NTRK3: variants seen among roughly 807,000 people sequenced by gnomAD.
The protein encoded by NTRK3 is NT-3 growth factor receptor.
In NTRK3, 24 loss-of-function variants were observed where a neutral mutation model predicts 91.7. That is an observed-to-expected ratio of 0.26 (90% CI 0.19 to 0.37). The LOEUF (loss-of-function observed/expected upper bound fraction) is 0.37, where lower values mean the gene tolerates loss of function less well. NTRK3 is among the 10% of genes least tolerant of loss of function. NTRK3 has a pLI of 1.00. For missense variants in NTRK3, 880 were observed against 1,068.9 expected, an observed-to-expected ratio of 0.82 and a Z score of 2.46; for synonymous variants, 483 against 404.0, an observed-to-expected ratio of 1.20 and a Z score of -2.34.
At chr15:87,893,782 T>C (rs2065964145) in intron 17 of NTRK3, among the ~76,000 whole-genome samples, 1 of 152,182 alleles carries the variant, frequency 6.6e-6, no homozygotes. Context: ...GTAACCCATA[T>C]TCCAGATAAA....
chr15:87,940,913 C>A (rs1407781825), intron 14 of NTRK3, among the ~76,000 whole-genome samples, 160 bp from the exon 15 acceptor site: 1 of 152,172 alleles, frequency 6.6e-6, no homozygotes, highest in Non-Finnish European at 1.5e-5. Context: ...AAACTGACAT[C>A]CCTCTGTGGT....
intron 10 of NTRK3, among the ~76,000 whole-genome samples, chr15:88,134,830 C>G (rs960856197): frequency 6.6e-6 from 1 of 152,234 alleles, no homozygotes; most frequent in African/African-American, 2.4e-5. Context: ...ATTACTGTCT[C>G]TGCTTTCTCT....
chr15:87,953,393 C>G (rs1363234669), intron 14 of NTRK3, among the ~76,000 whole-genome samples: 1 of 152,162 alleles, frequency 6.6e-6, no homozygotes, highest in Admixed American at 6.5e-5. Flanking sequence ...GATTCTTTAT[C>G]GTTTTCCTGG....
chr15:88,048,691 TG>T (rs1291663552), intron 13 of NTRK3, among the ~76,000 whole-genome samples: 1 of 152,182 alleles, frequency 6.6e-6, no homozygotes, highest in Non-Finnish European at 1.5e-5. Flanking sequence ...CAAGATAAAA[TG>T]TAGGCTATGT....
At chr15:88,212,734 A>ATCC (rs373108682) in intron 3 of NTRK3, among the ~76,000 whole-genome samples, 2 of 137,282 alleles carry the variant, frequency 1.5e-5, no homozygotes, top group African/African-American at 3.3e-5. Context: ...ACACACACAC[A>ATCC]CACACACACA....
At chr15:88,215,680 A>C (rs1437657766) in intron 3 of NTRK3, among the ~76,000 whole-genome samples, 1 of 152,262 alleles carries the variant, frequency 6.6e-6, no homozygotes, top group Non-Finnish European at 1.5e-5. Flanking sequence ...ACTGCAAATT[A>C]AATGCAAAAT....
chr15:88,160,284 G>A (rs1487346871), intron 5 of NTRK3, among the ~76,000 whole-genome samples: 1 of 152,182 alleles, frequency 6.6e-6, no homozygotes, highest in Non-Finnish European at 1.5e-5. Context: ...CACACTCAAG[G>A]AGTCACAGCT....
chr15:87,916,445 C>G (rs1186702711), intron 17 of NTRK3: 7 of 696,784 alleles, frequency 1.0e-5, no homozygotes, highest in Non-Finnish European at 1.8e-5. Context: ...TCAGCCTTTT[C>G]CTCTCCTTTC....
chr15:88,103,971 T>G (rs1236039857), intron 13 of NTRK3, among the ~76,000 whole-genome samples: 3 of 152,196 alleles, frequency 2.0e-5, no homozygotes, highest in Non-Finnish European at 2.9e-5. Flanking sequence ...GGCCACTGAC[T>G]TAGGTTTTCT....
chr15:88,117,324 G>T (rs879340316), intron 13 of NTRK3, among the ~76,000 whole-genome samples: 1 of 152,158 alleles, frequency 6.6e-6, no homozygotes, highest in Non-Finnish European at 1.5e-5. Flanking sequence ...AGATATATTA[G>T]ATGTCTGGCA....
At chr15:87,872,828 C>A (rs969602641) in exon 19 of NTRK3, 1 of 232,846 alleles carries the variant, frequency 4.3e-6, no homozygotes, top group Non-Finnish European at 8.5e-6. Flanking sequence ...ACATATATAT[C>A]AGGTGGGACC....
chr15:88,214,267 G>T (rs901007336), intron 3 of NTRK3, among the ~76,000 whole-genome samples: 1 of 152,028 alleles, frequency 6.6e-6, no homozygotes, highest in African/African-American at 2.4e-5. Flanking sequence ...ATGCTCCCTC[G>T]AATGGCTGTA....
intron 17 of NTRK3, among the ~76,000 whole-genome samples, chr15:87,900,542 G>C (rs2066387544): frequency 6.6e-6 from 1 of 152,170 alleles, no homozygotes; most frequent in Non-Finnish European, 1.5e-5. Flanking sequence ...GACATAGTTG[G>C]ACCAGAGTTT....
intron 14 of NTRK3, among the ~76,000 whole-genome samples, chr15:88,028,448 C>A (rs1354430971): frequency 6.6e-6 from 1 of 152,094 alleles, no homozygotes; most frequent in African/African-American, 2.4e-5. Context: ...GCAAAGTGAT[C>A]TTGGATGGAG....
chr15:88,129,893 A>T (rs1222316556), intron 10 of NTRK3, among the ~76,000 whole-genome samples: 2 of 152,198 alleles, frequency 1.3e-5, no homozygotes, highest in Non-Finnish European at 2.9e-5. Context: ...GTCTTTAAAG[A>T]TGTATTAAAG....
intron 13 of NTRK3, among the ~76,000 whole-genome samples, chr15:88,062,464 A>T (rs1004596579): frequency 1.3e-5 from 2 of 152,196 alleles, no homozygotes; most frequent in Admixed American, 6.5e-5. Flanking sequence ...ATTCCTAGGA[A>T]GTCTCCCTAA....
chr15:88,001,724 G>A lies in NTRK3; in HGVS notation c.1585+31133C>T, dbSNP rs748255105. On this transcript the variant is annotated intron_variant, in intron 14 of 18. Coordinates refer to ENST00000394480, the Ensembl canonical transcript of NTRK3. Reference sequence around the variant, plus strand: ...TCTATCCTCATGGCAGTACCATATCGTCTCTATTACTGTAGCTTTGTAATA... The same window carrying A: ...TCTATCCTCATGGCAGTACCATATCATCTCTATTACTGTAGCTTTGTAATA... Among the ~76,000 whole-genome samples, 22 of 152,142 alleles carry A rather than the reference G, an allele frequency of 1.4e-4. 1 individual carries two copies. Among genetic ancestry groups the A allele is most frequent in the African/African-American group, 1.7e-4 (7 of 41,528 alleles).
At chr15:87,940,698 T>G (rs754447983) in exon 15 of NTRK3, 2 of 1,614,030 alleles carry the variant, frequency 1.2e-6, no homozygotes, top group East Asian at 2.2e-5. Flanking sequence ...TTCCAAAGGC[T>G]CCCTCACCCA....
chr15:87,996,180 G>C (rs546162130), intron 14 of NTRK3, among the ~76,000 whole-genome samples: 1 of 152,120 alleles, frequency 6.6e-6, no homozygotes, highest in African/African-American at 2.4e-5. Context: ...GGAGGCGGAG[G>C]TTGCAGTGAG....
Sources: allele counts gnomAD v4.1 joint callset (sites outside exome capture counted in the v4.1 genomes callset), GRCh38; gene constraint gnomAD v4.1.1; transcripts MANE v1.5; gene names NCBI Gene and HGNC (gene_info 2026-07-23, HGNC 2026-07-21).